The following ADGRV1 variants were observed in gnomAD, a reference collection of about 807,000 sequenced individuals.
ADGRV1 encodes the protein adhesion G protein-coupled receptor V1.
Under a neutral mutation model 596.2 loss-of-function variants are expected in ADGRV1, and 359 were observed. The observed-to-expected ratio is 0.60, with a 90% CI of 0.55 to 0.66. The LOEUF (loss-of-function observed/expected upper bound fraction) is 0.66. Ranked by LOEUF, ADGRV1 falls within the 30% of genes least tolerant of loss-of-function variation. ADGRV1 has a pLI of 0.00. For synonymous variants in ADGRV1, 2,681 were observed against 2,679.2 expected, an observed-to-expected ratio of 1.00 and a Z score of -0.02; for missense variants, 7,274 against 7,575.6, an observed-to-expected ratio of 0.96 and a Z score of 1.48.
chr5:90,804,515 G>A (rs1051770740), intron 71 of ADGRV1, among the ~76,000 whole-genome samples: 4 of 152,086 alleles, frequency 2.6e-5, no homozygotes, highest in African/African-American at 9.7e-5. Flanking sequence ...GTTATCCTGC[G>A]GAACCCTCTC....
At chr5:90,813,132 CAAAAAAAAA>C (rs5869522) in intron 74 of ADGRV1, among the ~76,000 whole-genome samples, 1,790 of 34,698 alleles carry the variant, frequency 0.052, 115 homozygotes, top group South Asian at 0.18. Context: ...GACTCCGTCT[CAAAAAAAAA>C]AAAAAAAAAA....
At chr5:91,098,747 T>TA (rs2126628900) in intron 86 of ADGRV1, among the ~76,000 whole-genome samples, 1 of 150,944 alleles carries the variant, frequency 6.6e-6, no homozygotes, top group South Asian at 2.1e-4. Context: ...GCTTCTCCAC[T>TA]AAGCTCTGTC....
chr5:90,858,356 T>A (rs1767227271), intron 82 of ADGRV1, among the ~76,000 whole-genome samples: 1 of 152,190 alleles, frequency 6.6e-6, no homozygotes, highest in Non-Finnish European at 1.5e-5. Context: ...TTTGAGGATG[T>A]CAAGGAAGCC....
At chr5:90,598,976 C>A (rs773445746) in intron 1 of ADGRV1, among the ~76,000 whole-genome samples, 2 of 151,752 alleles carry the variant, frequency 1.3e-5, no homozygotes, top group Non-Finnish European at 2.9e-5. Flanking sequence ...ACAGTTTGGG[C>A]TGCATTTAAA....
chr5:90,761,666 C>T (rs1756525494), intron 58 of ADGRV1, among the ~76,000 whole-genome samples: 1 of 152,138 alleles, frequency 6.6e-6, no homozygotes, highest in South Asian at 2.1e-4. Flanking sequence ...CACACTTGTT[C>T]TGGGAAATAA....
chr5:90,913,185 A>G (rs1773050549), intron 83 of ADGRV1, among the ~76,000 whole-genome samples: 1 of 152,158 alleles, frequency 6.6e-6, no homozygotes, highest in Admixed American at 6.5e-5. Context: ...GGGCCTTCTC[A>G]GTGATTAGAT....
chr5:91,162,110 A>G (rs996891045), intron 89 of ADGRV1, among the ~76,000 whole-genome samples: 2 of 152,202 alleles, frequency 1.3e-5, no homozygotes, highest in Admixed American at 6.5e-5. Flanking sequence ...TGGAATACAG[A>G]ACAGACCAGA....
At position 90,695,456 on chromosome 5, in the gene ADGRV1, G is replaced by A. The variant is rs959082255; in HGVS notation, c.7945+755G>A. The stretch of plus-strand genomic sequence containing the variant: ...AGATTATTGATTACATCCTCATTTG[G>A]GCAGTTATATATTCCACAAAATTTT... On this transcript the variant is annotated intron_variant, in intron 33 of 89. Coordinates refer to ENST00000405460, the MANE Select transcript of ADGRV1 (RefSeq NM_032119.4). Among the ~76,000 whole-genome samples, 7 of 151,816 alleles carry A rather than the reference G, an allele frequency of 4.6e-5. No individual in the cohort carries two copies. In the East Asian group the frequency reaches 9.7e-4, roughly 21 times the overall value.
At chr5:90,785,084 G>A (rs1036605885) in intron 67 of ADGRV1, among the ~76,000 whole-genome samples, 5 of 152,006 alleles carry the variant, frequency 3.3e-5, no homozygotes, top group African/African-American at 1.2e-4. Context: ...ATAGACCAAT[G>A]GAACAGAACA....
At chr5:90,798,175 T>A (rs2150167619) in intron 70 of ADGRV1, among the ~76,000 whole-genome samples, 1 of 152,272 alleles carries the variant, frequency 6.6e-6, no homozygotes, top group African/African-American at 2.4e-5. Context: ...GATTGACTGC[T>A]AGCCAGACTA....
At chr5:90,859,002 ACTAGTCTGTGT>A (rs1426267277) in intron 82 of ADGRV1, among the ~76,000 whole-genome samples, 1 of 152,156 alleles carries the variant, frequency 6.6e-6, no homozygotes, top group Non-Finnish European at 1.5e-5. Flanking sequence ...TGCTTTCATA[ACTAGTCTGTGT>A]CTTGGAGAAG....
At chr5:90,629,120 T>C in intron 8 of ADGRV1, 90 bp from the exon 9 acceptor site, 1 of 692,198 alleles carries the variant, frequency 1.4e-6, no homozygotes, top group Non-Finnish European at 2.1e-6. Context: ...TATTAATAAA[T>C]ATTAAAATTA....
chr5:90,567,263 T>A (rs1755754364), intron 1 of ADGRV1, among the ~76,000 whole-genome samples: 1 of 152,148 alleles, frequency 6.6e-6, no homozygotes, highest in East Asian at 1.9e-4. Context: ...TTAGTTTTTT[T>A]CTTGGTTCTT....
chr5:90,652,185 T>C (rs1768726961), intron 18 of ADGRV1, among the ~76,000 whole-genome samples, 161 bp from the exon 19 acceptor site: 1 of 152,236 alleles, frequency 6.6e-6, no homozygotes, highest in Admixed American at 6.5e-5. Flanking sequence ...TCTACCTTAT[T>C]CTTCTCTTCC....
At position 90,988,651 on chromosome 5, in the gene ADGRV1, T is replaced by A. The variant is rs371772156; in HGVS notation, c.18152+3129T>A. 3.4e-3 allele frequency among the ~76,000 whole-genome samples: 514 copies of A among 152,268 alleles called. 3 individuals carry two copies. Among genetic ancestry groups the A allele is most frequent in the Middle Eastern group, 6.8e-3 (2 of 294 alleles). On this transcript the variant is annotated intron_variant, in intron 85 of 89. Transcript: ENST00000405460. ...GTGACACACAGCTATTTCTTTTTTT[T>A]TTATTATACTTTAAGTTTTAGGGTA...
intron 29 of ADGRV1, among the ~76,000 whole-genome samples, chr5:90,686,915 T>C (rs1252120088): frequency 6.6e-6 from 1 of 152,204 alleles, no homozygotes; most frequent in Non-Finnish European, 1.5e-5. Flanking sequence ...TTCTAACTGG[T>C]GTGAGATGGT....
intron 87 of ADGRV1, among the ~76,000 whole-genome samples, chr5:91,123,163 A>C (rs1373577673): frequency 1.3e-5 from 2 of 151,796 alleles, no homozygotes; most frequent in African/African-American, 4.8e-5. Context: ...ATTATCTCAC[A>C]GGGTTGTTGG....
rs1561562367 is a variant in ADGRV1, at chr5:90,705,588, T to C, written c.8566+9T>C. ...AGAATTTGGATCTCTAGGTTTGTGT[T>C]ACTCTAGAATGAATGGGGTTTCCAG... On this transcript the variant is annotated intron_variant, in intron 37 of 89. Coordinates refer to ENST00000405460, the MANE Select transcript of ADGRV1 (RefSeq NM_032119.4). 6.2e-7 allele frequency: 1 copy of C among 1,607,626 alleles called. No individual in the cohort carries two copies. Among genetic ancestry groups the C allele is most frequent in the South Asian group, 1.1e-5 (1 of 90,474 alleles).
chr5:90,992,657 C>CT (rs1241422184), intron 85 of ADGRV1, among the ~76,000 whole-genome samples: 1 of 152,202 alleles, frequency 6.6e-6, no homozygotes, highest in Non-Finnish European at 1.5e-5. Flanking sequence ...GAAGCTATCT[C>CT]TTTTAGATTC....
Sources: allele counts gnomAD v4.1 joint callset (sites outside exome capture counted in the v4.1 genomes callset), GRCh38; gene constraint gnomAD v4.1.1; transcripts MANE v1.5; gene names NCBI Gene and HGNC (gene_info 2026-07-23, HGNC 2026-07-21).